Variants in UNKL observed in about 807,000 individuals in gnomAD.
UNKL encodes unk like zinc finger, also known as putative E3 ubiquitin-protein ligase UNKL.
UNKL carries 60 observed loss-of-function variants against 78.0 expected under a neutral mutation model. The observed-to-expected ratio is 0.77, with a 90% CI of 0.63 to 0.95. UNKL has a LOEUF of 0.95. UNKL is among the 40% of genes least tolerant of loss of function. The pLI, the probability that UNKL is intolerant of heterozygous loss-of-function variation, is 0.00. For missense variants in UNKL, 1,159 were observed against 1,045.7 expected (o/e 1.11, Z -1.49); for synonymous variants, 608 against 474.8 (o/e 1.28, Z -3.65).
chr16:1,380,606 C>G (rs1196380682), intron 10 of UNKL, among the ~76,000 whole-genome samples: 1 of 136,678 alleles, frequency 7.3e-6, no homozygotes, highest in East Asian at 2.2e-4. Flanking sequence ...TTGCCTCTAA[C>G]TAAGGCAGTG....
chr16:1,377,113 C>G (rs949819139), intron 10 of UNKL, among the ~76,000 whole-genome samples: 1 of 152,164 alleles, frequency 6.6e-6, no homozygotes, highest in Non-Finnish European at 1.5e-5. Context: ...ACCTCCGCCT[C>G]CCAGGTTCAA....
intron 10 of UNKL, among the ~76,000 whole-genome samples, chr16:1,384,664 T>C (rs2036739703): frequency 6.6e-6 from 1 of 151,882 alleles, no homozygotes; most frequent in Admixed American, 6.6e-5. Context: ...AGTGGTGTAA[T>C]CACAGCTCAC....
intron 2 of UNKL, 42 bp downstream of exon 2, chr16:1,413,804 C>T (rs2038157818): frequency 6.7e-7 from 1 of 1,487,446 alleles, no homozygotes; most frequent in Non-Finnish European, 9.0e-7. Context: ...TGGAGGCCCC[C>T]CACCTCCGCC....
intron 2 of UNKL, among the ~76,000 whole-genome samples, chr16:1,406,402 AG>A (rs535572293): frequency 6.6e-6 from 1 of 152,166 alleles, no homozygotes; most frequent in South Asian, 2.1e-4. Context: ...TAGTAGAGAC[AG>A]GGTTTCACCA....
chr16:1,409,808 C>T (rs1186528467), intron 2 of UNKL, among the ~76,000 whole-genome samples: 1 of 152,120 alleles, frequency 6.6e-6, no homozygotes, highest in South Asian at 2.1e-4. Flanking sequence ...AGGCCGGGCG[C>T]GGTGGCTCAT....
chr16:1,407,015 G>A lies in UNKL; in HGVS notation c.288-3671C>T, dbSNP rs886126698. Reference sequence around the variant, plus strand: ...TACACAAAAATTAGTTGGGCATGGTGGCGCACGCCTGTAATCCCAGCTACT... The same window carrying A: ...TACACAAAAATTAGTTGGGCATGGTAGCGCACGCCTGTAATCCCAGCTACT... On this transcript the variant is annotated intron_variant, in intron 2 of 14. Coordinates refer to ENST00000389221, the MANE Select transcript of UNKL (RefSeq NM_001372107.1). 6.6e-5 allele frequency among the ~76,000 whole-genome samples: 10 copies of A among 151,988 alleles called. 1 individual carries two copies. Among genetic ancestry groups the A allele is most frequent in the Admixed American group, 6.6e-4 (10 of 15,238 alleles).
rs1435984909 is a variant in UNKL at position 1,387,998 on chromosome 16, T to A, written c.1087-2613A>T. The stretch of plus-strand genomic sequence containing the variant: ...CCCTGTGGATGTCCTCTCAGCTCCA[T>A]GACCCCTGTGGGCGTCTCAGTCCTT... On this transcript the variant is annotated intron_variant, in intron 9 of 14. Coordinates refer to ENST00000389221, the MANE Select transcript of UNKL (RefSeq NM_001372107.1). The surrounding 1 kb of genome is among the most constrained non-coding windows in gnomAD (Gnocchi z 4.1). Among the ~76,000 whole-genome samples, 1 of 152,178 alleles carries A rather than the reference T, an allele frequency of 6.6e-6. No homozygotes were observed. The highest frequency in any genetic ancestry group is 1.9e-4 in the East Asian group (1 of 5,182).
chr16:1,370,423 G>C (rs1171733445), intron 11 of UNKL, 66 bp from the exon 12 acceptor site: 8 of 1,514,844 alleles, frequency 5.3e-6, no homozygotes, highest in Non-Finnish European at 4.4e-6. Flanking sequence ...TCTGCCATGG[G>C]CGGCAGCCGT....
chr16:1,411,875 G>A (rs910408956), intron 2 of UNKL: 1 of 152,184 alleles, frequency 6.6e-6, no homozygotes, highest in African/African-American at 2.4e-5. Context: ...AAACATTTCA[G>A]TATTTAAAGT....
At chr16:1,401,363 G>A (rs1186047450) in intron 4 of UNKL, 3 of 521,658 alleles carry the variant, frequency 5.8e-6, no homozygotes, top group East Asian at 3.4e-5. Flanking sequence ...CAGAGCAGGT[G>A]CGGGGGAAGG....
chr16:1,389,434 G>A (rs1406914094), intron 9 of UNKL, among the ~76,000 whole-genome samples: 1 of 152,170 alleles, frequency 6.6e-6, no homozygotes, highest in African/African-American at 2.4e-5. Context: ...AATTAGCCAA[G>A]CCTGGTGGTG....
intron 10 of UNKL, among the ~76,000 whole-genome samples, chr16:1,381,545 G>C (rs192672748): frequency 6.6e-6 from 1 of 152,168 alleles, no homozygotes; most frequent in Non-Finnish European, 1.5e-5. Flanking sequence ...GCTTGAACCC[G>C]GAAGGCAGAG....
chr16:1,389,899 G>GCTCCAGCAATTCTCTTGC (rs1225230220), intron 9 of UNKL, among the ~76,000 whole-genome samples: 5 of 152,126 alleles, frequency 3.3e-5, no homozygotes, highest in Non-Finnish European at 5.9e-5. Flanking sequence ...CACCTCCTGG[G>GCTCCAGCAATTCTCTTGC]CTCCAGCAAT....
At chr16:1,366,660 G>A (rs1378576996) in intron 14 of UNKL, among the ~76,000 whole-genome samples, 1 of 152,232 alleles carries the variant, frequency 6.6e-6, no homozygotes, top group Non-Finnish European at 1.5e-5. Context: ...AGACAGGCCA[G>A]GCCCCTGAGG....
In UNKL at chr16:1,401,552, G is replaced by GCGGC. The variant is rs531422725; in HGVS notation, c.598+12_598+15dup. 3.0e-4 allele frequency: 455 copies of GCGGC among 1,526,996 alleles called. 10 individuals are homozygous for GCGGC. In the South Asian group the frequency reaches 4.3e-3, roughly 15 times the overall value. 94.6% of individuals were successfully genotyped at this position (1,526,996 alleles called of 1,614,324 possible). A position where few individuals can be genotyped will look rare whatever the true frequency, so the allele number is the denominator to read the frequency against. On this transcript the variant is annotated intron_variant, in intron 4 of 14. Transcript: ENST00000389221. Reference sequence around the variant, plus strand: ...GCCCCCCCCACCACCGCCCTCAGCTGCGGCCGTGGAGTTACCTTGCCACCG... The same window carrying GCGGC: ...GCCCCCCCCACCACCGCCCTCAGCTGCGGCCGGCCGTGGAGTTACCTTGCCACCG...
intron 10 of UNKL, chr16:1,379,593 C>T: frequency 1.0e-6 from 1 of 985,264 alleles, no homozygotes; most frequent in Non-Finnish European, 1.2e-6. Context: ...GAGACCCGCA[C>T]CTTGGCGGCG....
intron 9 of UNKL, among the ~76,000 whole-genome samples, chr16:1,386,839 G>C (rs1310099108): frequency 6.6e-6 from 1 of 152,114 alleles, no homozygotes; most frequent in Non-Finnish European, 1.5e-5. Context: ...CGGCCCAGGA[G>C]GTGCACAGAG....
intron 12 of UNKL, 51 bp from the exon 13 acceptor site, chr16:1,367,909 G>A (rs1045975133): frequency 1.4e-6 from 2 of 1,463,724 alleles, no homozygotes; most frequent in African/African-American, 2.8e-5. Flanking sequence ...CTCGCGGCCT[G>A]GTGGGATTGG....
At chr16:1,398,299 T>TTA (rs897696958) in intron 5 of UNKL, 7 of 999,234 alleles carry the variant, frequency 7.0e-6, no homozygotes, top group Non-Finnish European at 7.2e-6. Flanking sequence ...AATCCTCTAC[T>TTA]CTTCGTGGAA....
Sources: allele counts gnomAD v4.1 joint callset (sites outside exome capture counted in the v4.1 genomes callset), GRCh38; gene constraint gnomAD v4.1.1; non-coding constraint Gnocchi (gnomAD v3.1); transcripts MANE v1.5; gene names NCBI Gene and HGNC (gene_info 2026-07-23, HGNC 2026-07-21).